TRAPPC9: variants seen among roughly 807,000 people sequenced by gnomAD.
The protein encoded by TRAPPC9 is trafficking protein particle complex subunit 9, also known as IKK2 binding protein.
TRAPPC9 carries 83 observed loss-of-function variants against 124.0 expected under a neutral mutation model. The observed-to-expected ratio is 0.67, with a 90% CI of 0.56 to 0.80. TRAPPC9 has a LOEUF of 0.80. Among genes scored for constraint, TRAPPC9 ranks in the 30% least tolerant of loss-of-function variants. The pLI is 0.00. For synonymous variants in TRAPPC9, 638 were observed against 617.5 expected (o/e 1.03, Z -0.49); for missense variants, 1,302 against 1,508.3 (o/e 0.86, Z 2.27).
At chr8:140,166,985 T>C (rs4736148) in intron 17 of TRAPPC9, among the ~76,000 whole-genome samples, 88,282 of 152,024 alleles carry the variant, frequency 0.58, 26,303 homozygotes, top group East Asian at 0.99. Flanking sequence ...ACTTAGCTTG[T>C]TCGAATGCAA....
At chr8:140,267,233 G>A (rs2064702320) in intron 15 of TRAPPC9, among the ~76,000 whole-genome samples, 1 of 152,202 alleles carries the variant, frequency 6.6e-6, no homozygotes, top group African/African-American at 2.4e-5. Flanking sequence ...GGGATGGAAG[G>A]AAAAGGAAAA....
At chr8:139,798,954 G>C (rs1330305596) in intron 21 of TRAPPC9, among the ~76,000 whole-genome samples, 3 of 152,124 alleles carry the variant, frequency 2.0e-5, no homozygotes, top group Non-Finnish European at 4.4e-5. Context: ...GGGGCCACTG[G>C]AATTCCTTGG....
At chr8:139,801,468 C>A (rs897059553) in intron 21 of TRAPPC9, among the ~76,000 whole-genome samples, 18 of 152,206 alleles carry the variant, frequency 1.2e-4, no homozygotes, top group Non-Finnish European at 2.2e-4. Flanking sequence ...GAGAGGGACA[C>A]CTGGCCCCCA....
chr8:139,950,249 A>C (rs1834549755), intron 19 of TRAPPC9, among the ~76,000 whole-genome samples: 1 of 152,242 alleles, frequency 6.6e-6, no homozygotes. Flanking sequence ...ATGAGTTCTC[A>C]TGAGGATTCA....
rs546303231 is a variant in TRAPPC9, at chr8:140,085,824, C to T, written c.2557-61745G>A. ...ATGGGGAGCCACAGCCTATCTCTGTCAACGCATTGCCTCTCATTTCTCTGA... is the reference window on the plus strand; with the variant it reads ...ATGGGGAGCCACAGCCTATCTCTGTTAACGCATTGCCTCTCATTTCTCTGA... On this transcript the variant is annotated intron_variant, in intron 17 of 22. Transcript: ENST00000438773. 3.3e-5 allele frequency among the ~76,000 whole-genome samples: 5 copies of T among 152,328 alleles called. No individual in the cohort carries two copies. The East Asian group carries it at 9.6e-4, about 29-fold the overall frequency.
chr8:140,048,651 T>C (rs1030969256), intron 17 of TRAPPC9, among the ~76,000 whole-genome samples: 4 of 152,074 alleles, frequency 2.6e-5, no homozygotes, highest in Admixed American at 6.6e-5. Context: ...AAATTCTAAC[T>C]CTCAAGTCTC....
chr8:140,341,950 A>G (rs949197336), intron 9 of TRAPPC9, among the ~76,000 whole-genome samples: 2 of 152,282 alleles, frequency 1.3e-5, no homozygotes, highest in Non-Finnish European at 2.9e-5. Flanking sequence ...ACACTATTTC[A>G]GCAGAAGATT....
At chr8:140,351,188 C>CCGGGTGCGGTG (rs2067560568) in intron 9 of TRAPPC9, among the ~76,000 whole-genome samples, 1 of 108,418 alleles carries the variant, frequency 9.2e-6, no homozygotes, top group East Asian at 1.1e-3. Context: ...CACAGGCCCA[C>CCGGGTGCGGTG]GCTAGTCGCT....
chr8:139,972,882 A>T (rs1251162459), intron 19 of TRAPPC9, among the ~76,000 whole-genome samples: 1 of 152,192 alleles, frequency 6.6e-6, no homozygotes. Context: ...AGTTCCCCAC[A>T]GCTGATACTC....
chr8:139,865,937 C>G (rs369320532), intron 21 of TRAPPC9, among the ~76,000 whole-genome samples: 4 of 152,156 alleles, frequency 2.6e-5, no homozygotes, highest in Non-Finnish European at 5.9e-5. Context: ...TTTAGGGAAG[C>G]CTGAGACATC....
At chr8:140,417,798 C>G (rs982213319) in intron 5 of TRAPPC9, among the ~76,000 whole-genome samples, 1 of 152,204 alleles carries the variant, frequency 6.6e-6, no homozygotes, top group Non-Finnish European at 1.5e-5. Flanking sequence ...ATAGCAAAGA[C>G]TTGGAACCAA....
At chr8:140,404,660 A>T (rs1400452440) in intron 6 of TRAPPC9, among the ~76,000 whole-genome samples, 2 of 152,160 alleles carry the variant, frequency 1.3e-5, no homozygotes, top group Non-Finnish European at 2.9e-5. Flanking sequence ...CATAAATAAG[A>T]TGTGCGCGTG....
intron 19 of TRAPPC9, among the ~76,000 whole-genome samples, chr8:139,973,747 A>G (rs980064043): frequency 6.6e-6 from 1 of 152,102 alleles, no homozygotes; most frequent in African/African-American, 2.4e-5. Flanking sequence ...CCTTCCCCAC[A>G]TGCAGGACCC....
intron 21 of TRAPPC9, among the ~76,000 whole-genome samples, chr8:139,854,238 A>G (rs1442081327): frequency 2.6e-5 from 4 of 152,172 alleles, no homozygotes; most frequent in African/African-American, 9.7e-5. Flanking sequence ...CACCCCCTAC[A>G]TGACTCTGGA....
chr8:140,404,964 T>C (rs1054119533), intron 6 of TRAPPC9, among the ~76,000 whole-genome samples: 1 of 143,424 alleles, frequency 7.0e-6, no homozygotes. Flanking sequence ...GGCATAAAGG[T>C]CATGGAGGCT....
intron 18 of TRAPPC9, among the ~76,000 whole-genome samples, chr8:140,012,330 T>C (rs768895829): frequency 3.3e-5 from 5 of 152,196 alleles, no homozygotes; most frequent in Admixed American, 6.5e-5. Flanking sequence ...CCTGCCACAG[T>C]TATTTACTAT....
intron 5 of TRAPPC9, among the ~76,000 whole-genome samples, chr8:140,419,119 C>T (rs962675968): frequency 1.3e-5 from 2 of 151,914 alleles, no homozygotes; most frequent in African/African-American, 4.8e-5. Flanking sequence ...CGGTGAAACC[C>T]CGTCTCTACT....
chr8:140,371,632 A>G (rs1198124696), intron 7 of TRAPPC9, among the ~76,000 whole-genome samples: 1 of 151,502 alleles, frequency 6.6e-6, no homozygotes, highest in Non-Finnish European at 1.5e-5. Context: ...AGGGTTTACA[A>G]AAGTTTTCTT....
At chr8:139,819,660 T>C (rs982547928) in intron 21 of TRAPPC9, among the ~76,000 whole-genome samples, 2 of 151,964 alleles carry the variant, frequency 1.3e-5, no homozygotes. Context: ...CAGCAGTGCA[T>C]CGAAAGAATC....
Sources: gnomAD v4.1 joint callset for allele counts (sites outside exome capture counted in the v4.1 genomes callset) on GRCh38, gnomAD v4.1.1 for gene constraint, MANE v1.5 for transcripts, NCBI Gene and HGNC (gene_info 2026-07-23, HGNC 2026-07-21) for gene names.